CHN1: variants seen among roughly 807,000 people sequenced by gnomAD.
CHN1 encodes the protein N-chimaerin.
Under a neutral mutation model 59.5 loss-of-function variants are expected in CHN1, and 37 were observed. That is an observed-to-expected ratio of 0.62 (90% CI 0.48 to 0.82). The LOEUF (loss-of-function observed/expected upper bound fraction) is 0.82, where lower values mean the gene tolerates loss of function less well. CHN1 is among the 40% of genes least tolerant of loss of function. CHN1 has a pLI of 0.00. For missense variants in CHN1, 469 were observed against 571.0 expected (o/e 0.82, Z 1.82); for synonymous variants, 206 against 200.4 (o/e 1.03, Z -0.24).
At chr2:174,880,865 T>A (rs1323789719) in intron 5 of CHN1, among the ~76,000 whole-genome samples, 1 of 152,022 alleles carries the variant, frequency 6.6e-6, no homozygotes, top group African/African-American at 2.4e-5. Context: ...CTAACCAACA[T>A]GGAGAAACCT....
chr2:174,822,283 T>C (rs1021095784), intron 8 of CHN1, among the ~76,000 whole-genome samples: 1 of 152,210 alleles, frequency 6.6e-6, no homozygotes. Flanking sequence ...TGACCTTTAC[T>C]CACAATAAGA....
chr2:175,005,266 CGG>C lies in CHN1; in HGVS notation c.-356_-355del. ...TGGCGGAGAGGCGGCGCCGCACTGG[CGG>C]CGGCGGCGGCGGCGACGGGGAGAGC... On this transcript the variant is annotated 5_prime_UTR_variant, in exon 1 of 13. The change creates a premature stop within an existing upstream ORF in the 5' untranslated region. Transcript: ENST00000409900. The C allele has an allele frequency of 8.9e-7, 1 of 1,127,026 alleles. No homozygotes were observed. Among genetic ancestry groups the C allele is most frequent in the Non-Finnish European group, 1.1e-6 (1 of 916,424 alleles). The allele number at this position is 1,127,026 out of a possible 1,614,324, so 69.8% of individuals were successfully genotyped here.
chr2:174,944,230 G>C (rs1689759662), intron 3 of CHN1, among the ~76,000 whole-genome samples: 1 of 152,104 alleles, frequency 6.6e-6, no homozygotes. Flanking sequence ...ATTTGGACTG[G>C]TAAGTCAAAG....
At chr2:174,933,785 G>A (rs1689420136) in intron 3 of CHN1, among the ~76,000 whole-genome samples, 1 of 152,202 alleles carries the variant, frequency 6.6e-6, no homozygotes, top group African/African-American at 2.4e-5. Context: ...CTAGGATTAT[G>A]TCCTTAAGCA....
intron 3 of CHN1, 70 bp downstream of exon 3, chr2:174,944,818 T>C (rs1689778113): frequency 1.9e-6 from 2 of 1,077,324 alleles, no homozygotes; most frequent in Admixed American, 4.3e-5. Flanking sequence ...ACCAAGCCAC[T>C]GAAGAAGGTG....
chr2:174,930,869 C>A (rs1689323875), intron 3 of CHN1, among the ~76,000 whole-genome samples: 1 of 151,914 alleles, frequency 6.6e-6, no homozygotes, highest in Non-Finnish European at 1.5e-5. Flanking sequence ...GGTTTTATGC[C>A]ATTCTCCTGC....
At chr2:174,950,561 A>ATT (rs1689993664) in intron 2 of CHN1, among the ~76,000 whole-genome samples, 1 of 151,958 alleles carries the variant, frequency 6.6e-6, no homozygotes, top group African/African-American at 2.4e-5. Context: ...TTTAAAACAA[A>ATT]TGATAGCTAC....
intron 6 of CHN1, among the ~76,000 whole-genome samples, chr2:174,875,063 G>A (rs910094938): frequency 2.6e-5 from 4 of 151,576 alleles, no homozygotes; most frequent in Non-Finnish European, 4.4e-5. Flanking sequence ...TAGTAGAGAC[G>A]AGGTTTCACC....
In CHN1 at chr2:175,005,220, G is replaced by A; in HGVS notation, c.-308C>T. ...GGAGGAGGTACCTGCGAGGCAGGAG[G>A]CTTGGCCGCGGCGCAGTGGCTGGCG... On this transcript the variant is annotated 5_prime_UTR_variant, in exon 1 of 13. Transcript: ENST00000409900. The A allele has an allele frequency of 8.3e-7, 1 of 1,205,150 alleles. No homozygotes were observed. The highest frequency in any genetic ancestry group is 1.0e-6 in the Non-Finnish European group (1 of 968,334). 74.7% of individuals were successfully genotyped at this position (1,205,150 alleles called of 1,614,324 possible).
chr2:174,812,489 A>C lies in CHN1; in HGVS notation c.713-7T>G, dbSNP rs1339022874. 2 of 1,613,600 alleles carry C rather than the reference A, an allele frequency of 1.2e-6. No individual in the cohort carries two copies. The highest frequency in any genetic ancestry group is 2.7e-5 in the African/African-American group (2 of 75,044). The stretch of plus-strand genomic sequence containing the variant: ...TGAACATTCAAACCACAATCTAAGA[A>C]AAGAATAAAGAAAGGAAACATTCAA... On this transcript the variant is annotated splice_polypyrimidine_tract_variant and splice_region_variant and intron_variant, in intron 8 of 12. Coordinates refer to ENST00000409900, the MANE Select transcript of CHN1 (RefSeq NM_001822.7).
At chr2:174,935,408 T>G (rs761619964) in intron 3 of CHN1, among the ~76,000 whole-genome samples, 12 of 152,252 alleles carry the variant, frequency 7.9e-5, no homozygotes, top group Non-Finnish European at 1.6e-4. Context: ...TAGGTATTAA[T>G]GCACACATTT....
intron 1 of CHN1, among the ~76,000 whole-genome samples, chr2:174,990,241 G>GTC (rs1374436851): frequency 1.0e-5 from 1 of 96,176 alleles, no homozygotes; most frequent in African/African-American, 3.3e-5. Context: ...GTCTGTGTGT[G>GTC]TGTGTGTGTG....
intron 1 of CHN1, among the ~76,000 whole-genome samples, chr2:174,980,740 A>G (rs959334551): frequency 2.6e-5 from 4 of 152,202 alleles, no homozygotes; most frequent in African/African-American, 9.6e-5. Context: ...TTAAATGTGT[A>G]GATTGTTGCA....
At chr2:174,893,781 T>C (rs771529972) in intron 5 of CHN1, among the ~76,000 whole-genome samples, 1 of 152,152 alleles carries the variant, frequency 6.6e-6, no homozygotes, top group Non-Finnish European at 1.5e-5. Context: ...GTTTTGGACA[T>C]AGACCAATGA....
intron 7 of CHN1, among the ~76,000 whole-genome samples, chr2:174,839,793 A>G (rs1406270470): frequency 6.6e-6 from 1 of 152,042 alleles, no homozygotes; most frequent in Non-Finnish European, 1.5e-5. Flanking sequence ...TGATAGAAAC[A>G]GAGTTTTGCC....
In CHN1 at chr2:174,812,374, A is replaced by G; in HGVS notation, c.821T>C (p.Val274Ala). The G allele has an allele frequency of 6.2e-7, 1 of 1,614,024 alleles. No individual in the cohort carries two copies. Among genetic ancestry groups the G allele is most frequent in the South Asian group, 1.1e-5 (1 of 91,076 alleles). Reference sequence around the variant, plus strand: ...TGGCCGCTTAGTGGTATGTGCTTTCACGAGCGTCGTAAGGTCACAGCTGTA... The same window carrying G: ...TGGCCGCTTAGTGGTATGTGCTTTCGCGAGCGTCGTAAGGTCACAGCTGTA... Reference protein sequence around the residue: ...KVYSCDLTTLVKAHTTKRPMV... With the variant: ...KVYSCDLTTLAKAHTTKRPMV... Residue 274 changes from valine (V) to alanine (A), a missense_variant, in exon 9 of 13, where the codon GTG (valine) becomes GCG (alanine). By Grantham distance (64) the Val-to-Ala change is moderately conservative. This residue lies in a region of CHN1 where 225 missense variants were observed against 289.9 expected (regional missense o/e 0.78). Transcript: ENST00000409900.
At chr2:174,967,537 A>G (rs1690631218) in intron 1 of CHN1, among the ~76,000 whole-genome samples, 1 of 152,112 alleles carries the variant, frequency 6.6e-6, no homozygotes, top group Non-Finnish European at 1.5e-5. Context: ...TTCCAATTCA[A>G]CAACTTAGAC....
intron 6 of CHN1, among the ~76,000 whole-genome samples, chr2:174,864,345 A>C (rs1687152412): frequency 6.6e-6 from 1 of 152,202 alleles, no homozygotes; most frequent in African/African-American, 2.4e-5. Context: ...AGCACTTTGA[A>C]GACTGAAATG....
At chr2:174,892,467 A>C (rs1688082275) in intron 5 of CHN1, among the ~76,000 whole-genome samples, 1 of 152,168 alleles carries the variant, frequency 6.6e-6, no homozygotes, top group Non-Finnish European at 1.5e-5. Context: ...CCAGACACTA[A>C]ATGTGCTAAC....
Sources: gnomAD v4.1 joint callset for allele counts (sites outside exome capture counted in the v4.1 genomes callset) on GRCh38, gnomAD v4.1.1 for gene constraint, gnomAD v4.1.1 regional missense constraint, MANE v1.5 for transcripts, NCBI Gene and HGNC (gene_info 2026-07-23, HGNC 2026-07-21) for gene names.